The following VAX2 variants were observed in gnomAD, a reference collection of about 807,000 sequenced individuals.
VAX2 encodes ventral anterior homeobox 2.
VAX2 carries 8 observed loss-of-function variants against 12.5 expected under a neutral mutation model. The observed-to-expected ratio is 0.64, with a 90% CI of 0.37 to 1.15. The LOEUF (loss-of-function observed/expected upper bound fraction) is 1.15. Among genes scored for constraint, VAX2 ranks in the 50% most tolerant of loss-of-function variants. The probability of loss-of-function intolerance (pLI) is 0.01; values close to 1 mark genes in which losing one functional copy is unlikely to be tolerated. For missense variants in VAX2, 476 were observed against 412.9 expected (o/e 1.15, Z -1.32); for synonymous variants, 183 against 187.6 (o/e 0.98, Z 0.20).
At position 70,929,299 on chromosome 2, in the gene VAX2, C is replaced by G. The variant is rs1404785365; in HGVS notation, c.436-3468C>G. On this transcript the variant is annotated intron_variant, in intron 2 of 2. Transcript: ENST00000234392. The stretch of plus-strand genomic sequence containing the variant: ...CTTTCTGCTATCCTGCCACCTTTCT[C>G]TAAAGCAGTGCCCCCCAGAGTATGG... Among the ~76,000 whole-genome samples, 3 of 152,254 alleles carry G rather than the reference C, an allele frequency of 2.0e-5. No individual in the cohort carries two copies. In the East Asian group the frequency reaches 5.8e-4, roughly 29 times the overall value.
At chr2:70,917,391 C>A (rs966432964) in intron 1 of VAX2, among the ~76,000 whole-genome samples, 7 of 151,378 alleles carry the variant, frequency 4.6e-5, no homozygotes, top group African/African-American at 1.7e-4. Flanking sequence ...CCCATTTATT[C>A]TGGGCATTTA....
At chr2:70,930,976 A>T (rs529823437) in intron 2 of VAX2, among the ~76,000 whole-genome samples, 1 of 152,306 alleles carries the variant, frequency 6.6e-6, no homozygotes, top group Non-Finnish European at 1.5e-5. Flanking sequence ...CCTCCATGAC[A>T]TGGGCCTGTA....
intron 2 of VAX2, 43 bp downstream of exon 2, chr2:70,921,328 C>T: frequency 1.3e-6 from 2 of 1,510,184 alleles, no homozygotes; most frequent in Non-Finnish European, 8.8e-7. Context: ...GTCCTGGCAG[C>T]CTGGGAACTC....
intron 1 of VAX2, among the ~76,000 whole-genome samples, chr2:70,913,518 A>G (rs543396257): frequency 6.6e-6 from 1 of 152,056 alleles, no homozygotes; most frequent in Non-Finnish European, 1.5e-5. Context: ...CTCTACTAAA[A>G]ATACAAAAAT....
intron 1 of VAX2, among the ~76,000 whole-genome samples, chr2:70,906,128 G>A (rs544254887): frequency 2.0e-5 from 3 of 152,374 alleles, no homozygotes; most frequent in Middle Eastern, 3.4e-3. Context: ...CCCAGTTCAA[G>A]ATACTCTGAT....
intron 2 of VAX2, among the ~76,000 whole-genome samples, chr2:70,926,389 G>T (rs1044520580): frequency 6.6e-6 from 1 of 152,234 alleles, no homozygotes; most frequent in East Asian, 1.9e-4. Context: ...TCAGCCCAAG[G>T]GTAGCATACA....
At chr2:70,906,937 C>T in intron 1 of VAX2, among the ~76,000 whole-genome samples, 1 of 152,226 alleles carries the variant, frequency 6.6e-6, no homozygotes. Flanking sequence ...CCACCAAATC[C>T]AGGCGATCTT....
chr2:70,908,389 A>G (rs1392875310), intron 1 of VAX2, among the ~76,000 whole-genome samples: 1 of 152,078 alleles, frequency 6.6e-6, no homozygotes, highest in Non-Finnish European at 1.5e-5. Flanking sequence ...ACTTTCTAAT[A>G]TGTCCTTCCA....
intron 1 of VAX2, among the ~76,000 whole-genome samples, chr2:70,918,081 T>A (rs3771394): frequency 2.4e-4 from 36 of 152,224 alleles, no homozygotes; most frequent in African/African-American, 7.9e-4. Context: ...AGAATTGGAG[T>A]TGGGGAGCTT....
chr2:70,926,197 G>A (rs1679567188), intron 2 of VAX2, among the ~76,000 whole-genome samples: 1 of 152,156 alleles, frequency 6.6e-6, no homozygotes, highest in South Asian at 2.1e-4. Flanking sequence ...GGCTCTACAG[G>A]ACAAAGGGTC....
chr2:70,906,519 C>CTTT (rs1558653474), intron 1 of VAX2, among the ~76,000 whole-genome samples: 3 of 67,540 alleles, frequency 4.4e-5, no homozygotes, highest in Non-Finnish European at 8.2e-5. Flanking sequence ...CTTTTCTTTT[C>CTTT]CTTTTTTTTT....
chr2:70,920,076 C>T (rs1553412596), intron 1 of VAX2, among the ~76,000 whole-genome samples: 5 of 152,118 alleles, frequency 3.3e-5, no homozygotes. Context: ...TTCCTCAAGG[C>T]GGCCTTGTGT....
At chr2:70,913,429 C>A (rs1195062549) in intron 1 of VAX2, among the ~76,000 whole-genome samples, 3 of 152,142 alleles carry the variant, frequency 2.0e-5, no homozygotes, top group African/African-American at 7.2e-5. Flanking sequence ...CGCCTGTAAT[C>A]CCAGCACTTT....
intron 1 of VAX2, among the ~76,000 whole-genome samples, chr2:70,913,633 G>A (rs12467079): frequency 0.24 from 35,705 of 151,794 alleles, 4,946 homozygotes; most frequent in Non-Finnish European, 0.3. Context: ...CCAAGATCAC[G>A]CCACTGCACT....
chr2:70,915,272 G>A (rs1443712801), intron 1 of VAX2, among the ~76,000 whole-genome samples: 3 of 150,162 alleles, frequency 2.0e-5, no homozygotes, highest in Non-Finnish European at 4.4e-5. Context: ...TTTTGAGACC[G>A]AGTCTTGCTC....
intron 1 of VAX2, among the ~76,000 whole-genome samples, chr2:70,907,508 A>G (rs1408763513): frequency 2.6e-5 from 4 of 152,210 alleles, no homozygotes; most frequent in Admixed American, 1.3e-4. Flanking sequence ...CGCGCAGTTG[A>G]CGCCACGGTT....
intron 2 of VAX2, among the ~76,000 whole-genome samples, chr2:70,930,739 C>T (rs1230407076): frequency 1.3e-5 from 2 of 152,240 alleles, no homozygotes; most frequent in Non-Finnish European, 2.9e-5. Context: ...CTCAAGCCTT[C>T]TCCTCCACCC....
In VAX2 at chr2:70,904,117, T is replaced by A. The variant is rs1245685920; in HGVS notation, c.247+3249T>A. ...GCACATCGCACCGCGGACGCAGCGA[T>A]CCTCCCATTTGTACCCTAAGGCCTG... On this transcript the variant is annotated intron_variant, in intron 1 of 2. Transcript: ENST00000234392. The surrounding 1 kb of genome is among the most constrained non-coding windows in gnomAD (Gnocchi z 4.2). Among the ~76,000 whole-genome samples, 1 of 152,130 alleles carries A rather than the reference T, an allele frequency of 6.6e-6. No individual in the cohort carries two copies. The highest frequency in any genetic ancestry group is 1.5e-5 in the Non-Finnish European group (1 of 68,030).
chr2:70,903,729 T>A (rs985650006), intron 1 of VAX2, among the ~76,000 whole-genome samples: 1 of 151,846 alleles, frequency 6.6e-6, no homozygotes, highest in Non-Finnish European at 1.5e-5. Flanking sequence ...CGAACCACTT[T>A]TGATGGGTGG....
Sources: allele counts gnomAD v4.1 joint callset (sites outside exome capture counted in the v4.1 genomes callset), GRCh38; gene constraint gnomAD v4.1.1; non-coding constraint Gnocchi (gnomAD v3.1); transcripts MANE v1.5; gene names NCBI Gene and HGNC (gene_info 2026-07-23, HGNC 2026-07-21).